CALCR: variants seen among roughly 807,000 people sequenced by gnomAD.
The protein encoded by CALCR is calcitonin receptor.
A neutral mutation model predicts 59.5 loss-of-function variants in CALCR; 47 were observed. That is an observed-to-expected ratio of 0.79 (90% CI 0.63 to 1.01). CALCR has a LOEUF of 1.01. Among genes scored for constraint, CALCR ranks in the 50% least tolerant of loss-of-function variants. The probability of loss-of-function intolerance (pLI) is 0.00; values close to 1 mark genes in which losing one functional copy is unlikely to be tolerated. For synonymous variants in CALCR, 213 were observed against 211.3 expected (o/e 1.01, Z -0.07); for missense variants, 566 against 597.1 (o/e 0.95, Z 0.54).
At chr7:93,569,543 T>C (rs1789952249) in intron 2 of CALCR, among the ~76,000 whole-genome samples, 1 of 152,170 alleles carries the variant, frequency 6.6e-6, no homozygotes, top group Admixed American at 6.5e-5. Flanking sequence ...TTCCCTGATG[T>C]CCGGGCTGGT....
chr7:93,546,223 A>G (rs941396377), intron 2 of CALCR, among the ~76,000 whole-genome samples: 1 of 152,142 alleles, frequency 6.6e-6, no homozygotes, highest in Non-Finnish European at 1.5e-5. Flanking sequence ...TGTATTTCCC[A>G]AGAAAGTACT....
chr7:93,455,224 G>A (rs956841079), intron 8 of CALCR, among the ~76,000 whole-genome samples: 3 of 151,736 alleles, frequency 2.0e-5, no homozygotes, highest in Admixed American at 6.6e-5. Flanking sequence ...ATTATGTATT[G>A]TGGGTTTTTT....
chr7:93,520,276 C>T (rs567171772), intron 2 of CALCR, among the ~76,000 whole-genome samples: 2 of 151,338 alleles, frequency 1.3e-5, no homozygotes, highest in Middle Eastern at 3.4e-3. Flanking sequence ...GCCATTCAAC[C>T]TGATGGTGGG....
chr7:93,541,094 G>A (rs1236678252), intron 2 of CALCR, among the ~76,000 whole-genome samples: 1 of 151,884 alleles, frequency 6.6e-6, no homozygotes, highest in African/African-American at 2.4e-5. Context: ...CACTCCACTG[G>A]GCTGAACAAG....
At chr7:93,517,331 T>C (rs1249312417) in intron 2 of CALCR, among the ~76,000 whole-genome samples, 2 of 150,350 alleles carry the variant, frequency 1.3e-5, no homozygotes, top group African/African-American at 4.9e-5. Flanking sequence ...GCTAGCCATA[T>C]GGCCTTGTGC....
intron 8 of CALCR, among the ~76,000 whole-genome samples, chr7:93,459,563 T>C (rs778986478): frequency 2.5e-4 from 38 of 152,178 alleles, no homozygotes; most frequent in Non-Finnish European, 5.0e-4. Context: ...AGTTGGCTGA[T>C]GATTTCCAAA....
intron 8 of CALCR, among the ~76,000 whole-genome samples, chr7:93,459,358 G>A (rs1334937550): frequency 6.6e-6 from 1 of 152,148 alleles, no homozygotes; most frequent in Non-Finnish European, 1.5e-5. Flanking sequence ...TATGATTTGA[G>A]GCAAATTGCT....
intron 2 of CALCR, among the ~76,000 whole-genome samples, chr7:93,525,442 A>G (rs1801856873): frequency 6.6e-6 from 1 of 152,204 alleles, no homozygotes; most frequent in East Asian, 1.9e-4. Context: ...TGAAATACTT[A>G]TCCCATCAAT....
chr7:93,434,387 A>AT (rs1799727481), intron 12 of CALCR, 93 bp from the exon 13 acceptor site: 10 of 668,798 alleles, frequency 1.5e-5, no homozygotes, highest in Non-Finnish European at 2.3e-5. Context: ...AGAAGGCCTG[A>AT]TGAAAAAAAA....
rs984171356 is a variant in CALCR, at chr7:93,442,531, A to G, written c.802+1073T>C. ...TATGACTTCCCAAGCACATTTCTAT[A>G]AAGTTGGCGACAATGCCTGTTGGGC... On this transcript the variant is annotated intron_variant, in intron 9 of 13. Transcript: ENST00000426151. 3.3e-5 allele frequency among the ~76,000 whole-genome samples: 5 copies of G among 152,288 alleles called. 1 individual carries two copies. The highest frequency in any genetic ancestry group is 1.9e-4 in the East Asian group (1 of 5,170).
At chr7:93,520,827 T>C (rs1402135699) in intron 2 of CALCR, among the ~76,000 whole-genome samples, 1 of 152,154 alleles carries the variant, frequency 6.6e-6, no homozygotes, top group Non-Finnish European at 1.5e-5. Flanking sequence ...TTGAGTTCTA[T>C]TGAATTTAAA....
At chr7:93,514,236 A>G (rs1341698726) in intron 2 of CALCR, among the ~76,000 whole-genome samples, 1 of 152,102 alleles carries the variant, frequency 6.6e-6, no homozygotes, top group African/African-American at 2.4e-5. Flanking sequence ...TTGTTTTTGC[A>G]TGTTCAATTT....
intron 2 of CALCR, among the ~76,000 whole-genome samples, chr7:93,569,925 G>T (rs1267467384): frequency 7.2e-6 from 1 of 138,474 alleles, no homozygotes; most frequent in Non-Finnish European, 1.6e-5. Context: ...TGGAACCATT[G>T]ATGTAAAGGG....
At chr7:93,556,132 AT>A (rs1266357858) in intron 2 of CALCR, among the ~76,000 whole-genome samples, 4 of 152,054 alleles carry the variant, frequency 2.6e-5, no homozygotes, top group African/African-American at 9.7e-5. Context: ...GGATACTTGA[AT>A]TTTTTTCTCC....
chr7:93,539,588 G>C (rs1002437781), intron 2 of CALCR, among the ~76,000 whole-genome samples: 2 of 151,162 alleles, frequency 1.3e-5, no homozygotes, highest in Middle Eastern at 3.4e-3. Context: ...AGATGGTATA[G>C]GTCCCTGGAA....
intron 2 of CALCR, among the ~76,000 whole-genome samples, chr7:93,564,977 C>T (rs1789831451): frequency 6.6e-6 from 1 of 152,094 alleles, no homozygotes; most frequent in Admixed American, 6.6e-5. Context: ...AGGTGCGGGA[C>T]AAACTAGCAG....
At chr7:93,456,390 A>T (rs1800208602) in intron 8 of CALCR, among the ~76,000 whole-genome samples, 2 of 152,158 alleles carry the variant, frequency 1.3e-5, no homozygotes, top group African/African-American at 4.8e-5. Flanking sequence ...CCTTTTAGGC[A>T]TATAGAGAAA....
At chr7:93,467,795 T>C (rs1258645557) in intron 7 of CALCR, among the ~76,000 whole-genome samples, 1 of 151,584 alleles carries the variant, frequency 6.6e-6, no homozygotes, top group Non-Finnish European at 1.5e-5. Flanking sequence ...ATGACTATTA[T>C]TACTACCAAT....
chr7:93,492,657 G>C (rs1412717416), intron 2 of CALCR, among the ~76,000 whole-genome samples: 1 of 151,426 alleles, frequency 6.6e-6, no homozygotes, highest in Non-Finnish European at 1.5e-5. Context: ...TCCAGTATAA[G>C]AAGTTGAGCA....
Sources: allele counts gnomAD v4.1 joint callset (sites outside exome capture counted in the v4.1 genomes callset), GRCh38; gene constraint gnomAD v4.1.1; transcripts MANE v1.5; gene names NCBI Gene and HGNC (gene_info 2026-07-23, HGNC 2026-07-21).